The following SMURF2 variants were observed in gnomAD, a reference collection of about 807,000 sequenced individuals.
The protein encoded by SMURF2 is SMAD specific E3 ubiquitin protein ligase 2.
In SMURF2, 48 loss-of-function variants were observed where a neutral mutation model predicts 109.6. The ratio of observed to expected loss-of-function variants is 0.44; its 90% CI spans 0.35 to 0.56. The LOEUF is 0.56. SMURF2 is among the 20% of genes least tolerant of loss of function. The pLI is 0.01. For missense variants in SMURF2, 575 were observed against 909.0 expected (o/e 0.63, Z 4.72); for synonymous variants, 288 against 317.1 (o/e 0.91, Z 0.97).
chr17:64,577,698 C>T (rs1453956128), intron 9 of SMURF2, among the ~76,000 whole-genome samples: 1 of 151,620 alleles, frequency 6.6e-6, no homozygotes, highest in East Asian at 1.9e-4. Context: ...ATGGCTCAAG[C>T]AATCCTCTTG....
intron 9 of SMURF2, among the ~76,000 whole-genome samples, chr17:64,573,321 T>G (rs1343071031): frequency 4.7e-5 from 7 of 148,564 alleles, no homozygotes; most frequent in Admixed American, 2.0e-4. Context: ...TTATGTAAAT[T>G]TAAATTGTAA....
intron 2 of SMURF2, among the ~76,000 whole-genome samples, chr17:64,606,165 C>A (rs782460233): frequency 2.0e-4 from 30 of 152,280 alleles, no homozygotes; most frequent in Middle Eastern, 3.4e-3. Context: ...GCAGAGATTT[C>A]TTTCCCACAC....
intron 1 of SMURF2, among the ~76,000 whole-genome samples, chr17:64,623,309 A>C (rs1970228124): frequency 6.6e-6 from 1 of 152,140 alleles, no homozygotes. Flanking sequence ...CTTAACTTTG[A>C]TCTCCACTGT....
chr17:64,636,110 T>C (rs1970412797), intron 1 of SMURF2, among the ~76,000 whole-genome samples: 1 of 152,200 alleles, frequency 6.6e-6, no homozygotes, highest in African/African-American at 2.4e-5. Flanking sequence ...GCCACTGATA[T>C]ATCTTCTCTG....
At chr17:64,640,176 G>C (rs1336946749) in intron 1 of SMURF2, among the ~76,000 whole-genome samples, 1 of 152,090 alleles carries the variant, frequency 6.6e-6, no homozygotes, top group African/African-American at 2.4e-5. Flanking sequence ...ACAGTAAACA[G>C]GTAAATAAAT....
intron 3 of SMURF2, among the ~76,000 whole-genome samples, chr17:64,595,258 T>C (rs1969801972): frequency 6.6e-6 from 1 of 152,230 alleles, no homozygotes. Context: ...TACTAAAAAT[T>C]ATGAAATATA....
At position 64,581,118 on chromosome 17, in the gene SMURF2, TATA is replaced by T. The variant is rs1969573845; in HGVS notation, c.570-130_570-128del. 12 of 815,372 alleles carry T rather than the reference TATA, an allele frequency of 1.5e-5. No homozygotes were observed. The South Asian group carries it at 1.6e-4, about 11-fold the overall frequency. The allele number at this position is 815,372 out of a possible 1,614,324, so 50.5% of individuals were successfully genotyped here. A position where few individuals can be genotyped will look rare whatever the true frequency, so the allele number is the denominator to read the frequency against. ...CTGAAAACAGAATGACTAATACAAG[TATA>T]ATGACTTCAAGAACTCTGAGTAAAA... On this transcript the variant is annotated intron_variant, in intron 7 of 18. Transcript: ENST00000262435. The surrounding 1 kb of genome is among the most constrained non-coding windows in gnomAD (Gnocchi z 4.3).
At chr17:64,602,471 A>G (rs1389593828) in intron 2 of SMURF2, among the ~76,000 whole-genome samples, 16 of 152,194 alleles carry the variant, frequency 1.1e-4, no homozygotes, top group African/African-American at 3.9e-4. Flanking sequence ...TCAATACCTT[A>G]ATAAAAAAAT....
At position 64,616,590 on chromosome 17, in the gene SMURF2, G is replaced by A. The variant is rs181021074; in HGVS notation, c.53-9950C>T. ...AATCCACTTGAACCCAGGAGGCGGA[G>A]GTTACAGTGAGCTGAGATCGCGCCA... On this transcript the variant is annotated intron_variant, in intron 1 of 18. Coordinates refer to ENST00000262435, the MANE Select transcript of SMURF2 (RefSeq NM_022739.4). 3.1e-3 allele frequency among the ~76,000 whole-genome samples: 471 copies of A among 151,392 alleles called. 6 individuals are homozygous for A. The highest frequency in any genetic ancestry group is 3.4e-3 in the Middle Eastern group (1 of 294).
intron 1 of SMURF2, among the ~76,000 whole-genome samples, chr17:64,627,280 A>C (rs1970280736): frequency 6.6e-6 from 1 of 151,754 alleles, no homozygotes; most frequent in African/African-American, 2.4e-5. Flanking sequence ...ACGCCCAGCT[A>C]ATTTTTGTTA....
chr17:64,616,618 G>A (rs967198806), intron 1 of SMURF2, among the ~76,000 whole-genome samples: 12 of 148,444 alleles, frequency 8.1e-5, no homozygotes, highest in South Asian at 4.3e-4. Context: ...TCGCGCCACT[G>A]TACTCCAGCC....
intron 13 of SMURF2, 22 bp from the exon 14 acceptor site, chr17:64,556,020 A>G (rs1405611462): frequency 6.4e-7 from 1 of 1,557,388 alleles, no homozygotes; most frequent in East Asian, 2.3e-5. Context: ...AACAGTATAT[A>G]TACTCGTTAG....
chr17:64,614,134 TCTC>T (rs1193756922), intron 1 of SMURF2, among the ~76,000 whole-genome samples: 1 of 152,148 alleles, frequency 6.6e-6, no homozygotes, highest in African/African-American at 2.4e-5. Flanking sequence ...CACTGGCTCA[TCTC>T]CTGCTGTGCA....
intron 10 of SMURF2, 129 bp from the exon 11 acceptor site, chr17:64,563,095 T>A: frequency 1.3e-6 from 1 of 797,710 alleles, no homozygotes; most frequent in Non-Finnish European, 1.9e-6. Flanking sequence ...GTAGAACATA[T>A]ACTTGGCTTG....
intron 1 of SMURF2, among the ~76,000 whole-genome samples, chr17:64,634,605 T>C (rs1555691914): frequency 6.6e-6 from 1 of 152,226 alleles, no homozygotes; most frequent in African/African-American, 2.4e-5. Flanking sequence ...ATTAATCTAC[T>C]CCAACCACCT....
Position 64,542,647 on chromosome 17 carries a change from A to C in SMURF2, c.*3201T>G, listed in dbSNP as rs575485490. The C allele has an allele frequency of 6.6e-6, 1 of 152,182 alleles. No individual in the cohort carries two copies. Among genetic ancestry groups the C allele is most frequent in the Non-Finnish European group, 1.5e-5 (1 of 67,996 alleles). 9.4% of individuals were successfully genotyped at this position (152,182 alleles called of 1,614,324 possible). On this transcript the variant is annotated 3_prime_UTR_variant, in exon 19 of 19. Coordinates refer to ENST00000262435, the MANE Select transcript of SMURF2 (RefSeq NM_022739.4). Reference sequence around the variant, plus strand: ...GCTTAGAAAACAAGCAGAAGGAGCCACTCTCCCAAACTAAGGATGGTTGGA... The same window carrying C: ...GCTTAGAAAACAAGCAGAAGGAGCCCCTCTCCCAAACTAAGGATGGTTGGA...
Position 64,606,590 on chromosome 17 carries a change from T to A in SMURF2, c.91+12A>T. On this transcript the variant is annotated intron_variant, in intron 2 of 18. Transcript: ENST00000262435. Reference sequence around the variant, plus strand: ...ACATACAATACACAAGATTTAAAGTTAATTTACTTACGGAAAAAATCCTTT... The same window carrying A: ...ACATACAATACACAAGATTTAAAGTAAATTTACTTACGGAAAAAATCCTTT... 6.5e-7 allele frequency: 1 copy of A among 1,527,394 alleles called. No homozygotes were observed. The highest frequency in any genetic ancestry group is 1.2e-5 in the South Asian group (1 of 81,682). 94.6% of individuals were successfully genotyped at this position (1,527,394 alleles called of 1,614,324 possible). A position where few individuals can be genotyped will look rare whatever the true frequency, so the allele number is the denominator to read the frequency against.
At chr17:64,572,626 C>T (rs1023934738) in intron 9 of SMURF2, among the ~76,000 whole-genome samples, 1 of 152,052 alleles carries the variant, frequency 6.6e-6, no homozygotes, top group Non-Finnish European at 1.5e-5. Flanking sequence ...TCTTAAAATA[C>T]TAGTATATAT....
intron 1 of SMURF2, among the ~76,000 whole-genome samples, chr17:64,607,553 G>T (rs993583835): frequency 1.3e-4 from 20 of 151,610 alleles, no homozygotes; most frequent in African/African-American, 4.1e-4. Flanking sequence ...TTGAACCCGG[G>T]AGAGGGAGGT....
Sources: gnomAD v4.1 joint callset for allele counts (sites outside exome capture counted in the v4.1 genomes callset) on GRCh38, gnomAD v4.1.1 for gene constraint, Gnocchi (gnomAD v3.1) non-coding constraint, MANE v1.5 for transcripts, NCBI Gene and HGNC (gene_info 2026-07-23, HGNC 2026-07-21) for gene names.